FMN1: variants seen among roughly 807,000 people sequenced by gnomAD.
The protein encoded by FMN1 is formin 1.
FMN1 carries 110 observed loss-of-function variants against 132.4 expected under a neutral mutation model. The ratio of observed to expected loss-of-function variants is 0.83; its 90% CI spans 0.71 to 0.97. The LOEUF is 0.97. FMN1 is among the 50% of genes least tolerant of loss of function. FMN1 has a pLI of 0.00. For missense variants in FMN1, 1,792 were observed against 1,705.3 expected, an observed-to-expected ratio of 1.05 and a Z score of -0.90; for synonymous variants, 722 against 651.7, an observed-to-expected ratio of 1.11 and a Z score of -1.64.
chr15:32,953,555 C>T (rs140945074), intron 9 of FMN1, among the ~76,000 whole-genome samples: 1 of 152,276 alleles, frequency 6.6e-6, no homozygotes, highest in African/African-American at 2.4e-5. Context: ...TGAAATGAAG[C>T]TCTGGGTCAA....
intron 6 of FMN1, among the ~76,000 whole-genome samples, chr15:33,059,293 C>T (rs2037375026): frequency 6.6e-6 from 1 of 152,154 alleles, no homozygotes; most frequent in Non-Finnish European, 1.5e-5. Flanking sequence ...TCCATTCACC[C>T]ACTGATGAAT....
chr15:32,779,779 CTA>C (rs1218056255), intron 19 of FMN1, among the ~76,000 whole-genome samples: 1 of 152,222 alleles, frequency 6.6e-6, no homozygotes, highest in Admixed American at 6.5e-5. Context: ...GGAACTTCTA[CTA>C]TTCCCATTTC....
chr15:32,804,839 C>G (rs917431882), intron 17 of FMN1, among the ~76,000 whole-genome samples: 2 of 152,166 alleles, frequency 1.3e-5, no homozygotes, highest in Admixed American at 1.3e-4. Context: ...AGGGCATGAA[C>G]TTACCCTTTT....
At chr15:33,114,673 G>T (rs2039843588) in intron 4 of FMN1, among the ~76,000 whole-genome samples, 1 of 152,150 alleles carries the variant, frequency 6.6e-6, no homozygotes, top group Non-Finnish European at 1.5e-5. Flanking sequence ...GAGAGCCTGT[G>T]GGTAAATAGT....
intron 5 of FMN1, among the ~76,000 whole-genome samples, chr15:33,065,989 A>G (rs369595538): frequency 2.4e-4 from 36 of 152,334 alleles, no homozygotes; most frequent in African/African-American, 8.2e-4. Flanking sequence ...CAGCCAGTAA[A>G]TGGCAGAATT....
chr15:32,788,239 C>T (rs1048627813), intron 19 of FMN1, among the ~76,000 whole-genome samples: 3 of 152,218 alleles, frequency 2.0e-5, no homozygotes, highest in Non-Finnish European at 2.9e-5. Flanking sequence ...AGAGCCGACC[C>T]GGCGATTTAG....
chr15:33,172,149 A>G (rs1332434983), intron 3 of FMN1, among the ~76,000 whole-genome samples: 1 of 151,916 alleles, frequency 6.6e-6, no homozygotes, highest in Non-Finnish European at 1.5e-5. Flanking sequence ...CGGAGCTTGC[A>G]GTGAGCCGAG....
chr15:33,002,477 C>T (rs1018466541), intron 7 of FMN1, among the ~76,000 whole-genome samples: 5 of 152,132 alleles, frequency 3.3e-5, no homozygotes, highest in Admixed American at 6.5e-5. Context: ...GTTCGTTTTA[C>T]GAACAGCATC....
chr15:33,014,964 T>C lies in FMN1; in HGVS notation c.2162-6889A>G, dbSNP rs368635273. On this transcript the variant is annotated intron_variant, in intron 6 of 20. Transcript: ENST00000616417. ...TTTTCAGGAATAGTTCTAAGCACTT[T>C]ACACAGATTAACTCCTGCCATCCTC... Among the ~76,000 whole-genome samples the C allele has an allele frequency of 6.6e-4, 101 of 152,344 alleles. 2 individuals are homozygous for C. The South Asian group carries it at 0.018, about 27-fold the overall frequency.
intron 7 of FMN1, among the ~76,000 whole-genome samples, chr15:33,006,081 T>C (rs1044345115): frequency 6.6e-6 from 1 of 152,142 alleles, no homozygotes; most frequent in South Asian, 2.1e-4. Context: ...TATAATCCAA[T>C]ACACCGACTC....
intron 7 of FMN1, among the ~76,000 whole-genome samples, chr15:32,995,653 C>T (rs1310344472): frequency 6.6e-6 from 1 of 152,134 alleles, no homozygotes; most frequent in Non-Finnish European, 1.5e-5. Context: ...GTATTTGACA[C>T]GTGCTCAATT....
intron 7 of FMN1, among the ~76,000 whole-genome samples, chr15:33,001,119 C>T (rs1188721311): frequency 6.6e-6 from 1 of 152,164 alleles, no homozygotes; most frequent in Non-Finnish European, 1.5e-5. Context: ...CCTGTCTCAA[C>T]TAAAAATACA....
intron 17 of FMN1, among the ~76,000 whole-genome samples, chr15:32,824,526 T>C (rs2058316470): frequency 6.6e-6 from 1 of 152,214 alleles, no homozygotes; most frequent in Admixed American, 6.5e-5. Flanking sequence ...GATCACTTGC[T>C]CTGTTCCCGC....
chr15:33,142,530 C>T (rs911833016), intron 4 of FMN1, among the ~76,000 whole-genome samples: 4 of 152,164 alleles, frequency 2.6e-5, no homozygotes, highest in African/African-American at 7.2e-5. Context: ...GCCAATGATA[C>T]CCTGACTTCT....
chr15:32,956,812 C>T (rs937166952), intron 9 of FMN1, among the ~76,000 whole-genome samples: 1 of 152,170 alleles, frequency 6.6e-6, no homozygotes, highest in Non-Finnish European at 1.5e-5. Flanking sequence ...ATAATATAAA[C>T]TTGGAAAGCA....
intron 10 of FMN1, among the ~76,000 whole-genome samples, chr15:32,914,844 A>AGGAG (rs1482714673): frequency 6.6e-6 from 1 of 152,202 alleles, no homozygotes; most frequent in African/African-American, 2.4e-5. Flanking sequence ...AAACAGGCAG[A>AGGAG]GGAGTCTAAG....
chr15:33,127,176 G>C (rs76553406), intron 4 of FMN1, among the ~76,000 whole-genome samples: 1 of 149,220 alleles, frequency 6.7e-6, no homozygotes, highest in Non-Finnish European at 1.5e-5. Flanking sequence ...ACAGAGAGGA[G>C]GTCAGGCCAG....
At chr15:32,912,515 TAAAC>T (rs2060586468) in intron 10 of FMN1, among the ~76,000 whole-genome samples, 1 of 152,106 alleles carries the variant, frequency 6.6e-6, no homozygotes, top group South Asian at 2.1e-4. Flanking sequence ...GGACAGAAAA[TAAAC>T]AAGTAAATAC....
chr15:32,971,350 C>G (rs549250698), intron 7 of FMN1, among the ~76,000 whole-genome samples: 30 of 152,230 alleles, frequency 2.0e-4, no homozygotes, highest in Admixed American at 9.8e-4. Flanking sequence ...AGGCATAAAC[C>G]TAGGAAAAGC....
Sources: allele counts gnomAD v4.1 joint callset (sites outside exome capture counted in the v4.1 genomes callset), GRCh38; gene constraint gnomAD v4.1.1; transcripts MANE v1.5; gene names NCBI Gene and HGNC (gene_info 2026-07-23, HGNC 2026-07-21).